CPED1: variants seen among roughly 807,000 people sequenced by gnomAD.
The protein encoded by CPED1 is cadherin-like and PC-esterase domain-containing protein 1.
A neutral mutation model predicts 128.2 loss-of-function variants in CPED1; 114 were observed. The observed-to-expected ratio is 0.89, with a 90% CI of 0.76 to 1.04. The LOEUF (loss-of-function observed/expected upper bound fraction) is 1.04. CPED1 is among the 50% of genes least tolerant of loss of function. CPED1 has a pLI of 0.00. For missense variants in CPED1, 1,211 were observed against 1,207.1 expected, an observed-to-expected ratio of 1.00 and a Z score of -0.05; for synonymous variants, 462 against 426.7, an observed-to-expected ratio of 1.08 and a Z score of -1.02.
At chr7:121,135,633 T>C (rs1056002121) in intron 13 of CPED1, among the ~76,000 whole-genome samples, 6 of 152,102 alleles carry the variant, frequency 3.9e-5, no homozygotes, top group Admixed American at 3.3e-4. Context: ...TTCATAAATA[T>C]GTATTAAGGA....
chr7:121,251,998 A>G (rs1021860078), intron 18 of CPED1, among the ~76,000 whole-genome samples: 69 of 151,884 alleles, frequency 4.5e-4, no homozygotes, highest in Admixed American at 9.2e-4. Flanking sequence ...AAGAGCCCGC[A>G]TTGCCAAGTC....
chr7:121,154,008 AC>A (rs1355483705), intron 16 of CPED1, among the ~76,000 whole-genome samples: 6 of 152,190 alleles, frequency 3.9e-5, no homozygotes, highest in Non-Finnish European at 8.8e-5. Flanking sequence ...AATGTACCAA[AC>A]CCTTACAGAC....
At chr7:121,087,179 G>A (rs1794444922) in intron 5 of CPED1, among the ~76,000 whole-genome samples, 1 of 152,052 alleles carries the variant, frequency 6.6e-6, no homozygotes, top group Non-Finnish European at 1.5e-5. Flanking sequence ...TTCTTTGGTT[G>A]GGGGAGGCAA....
rs760297310 is a variant in CPED1 at position 120,989,736 on chromosome 7, A to G, written c.115A>G (p.Arg39Gly). 2 of 1,613,792 alleles carry G rather than the reference A, an allele frequency of 1.2e-6. No individual in the cohort carries two copies. Among genetic ancestry groups the G allele is most frequent in the African/African-American group, 1.3e-5 (1 of 74,820 alleles). ...CCAGACTCTGACCCTCCGAGGGTCG[A>G]GGAAGCTCACAGCCGCTGCCCCTGG... is the stretch of plus-strand genomic sequence containing the variant. ...FYQTLTLRGS[R>G]KLTAAAPGAV... The change falls in exon 2 of 23, where the codon AGG becomes GGG. Residue 39 changes from arginine (R) to glycine (G), a missense_variant. Arg to Gly is a moderately radical substitution (Grantham distance 125). Coordinates refer to ENST00000310396, the MANE Select transcript of CPED1 (RefSeq NM_024913.5).
chr7:121,150,794 A>G (rs10246144), intron 16 of CPED1, among the ~76,000 whole-genome samples: 66,596 of 151,356 alleles, frequency 0.44, 15,930 homozygotes, highest in East Asian at 0.84. Flanking sequence ...TTAGAGATGG[A>G]GTCTCGCTCT....
chr7:120,994,625 C>CTGTGTGTGTGTGTG (rs35288728), intron 2 of CPED1, among the ~76,000 whole-genome samples: 2,704 of 144,574 alleles, frequency 0.019, 41 homozygotes, highest in Middle Eastern at 0.028. Context: ...ATTTGTTATA[C>CTGTGTGTGTGTGTG]TGTGTGTGTG....
chr7:121,175,211 T>A (rs560730198), intron 16 of CPED1, among the ~76,000 whole-genome samples: 9 of 152,114 alleles, frequency 5.9e-5, no homozygotes, highest in Non-Finnish European at 1.3e-4. Flanking sequence ...ATGGCCTTTC[T>A]TTCTCTTGCC....
At chr7:121,006,901 T>A (rs1230238638) in intron 2 of CPED1, among the ~76,000 whole-genome samples, 3 of 152,146 alleles carry the variant, frequency 2.0e-5, no homozygotes, top group Non-Finnish European at 2.9e-5. Context: ...AGGGAAAATT[T>A]AGGAGAAGCA....
At position 121,295,579 on chromosome 7, in the gene CPED1, T is replaced by A. The variant is rs759854677; in HGVS notation, c.3008T>A (p.Val1003Asp). ...TVTNFRSPYH[V>D]RGPINQVCSE... Reference sequence around the variant, plus strand: ...ACAAATTTTCGATCGCCATATCATGTCAGAGGTCCAATAAATCAGGTTTGT... The same window carrying A: ...ACAAATTTTCGATCGCCATATCATGACAGAGGTCCAATAAATCAGGTTTGT... The change falls in exon 23 of 23, where the codon GTC becomes GAC. Residue 1003 changes from valine to aspartate, a missense_variant. Physicochemically the swap from Val to Asp is radical, Grantham distance 152. Transcript: ENST00000310396. 1 of 1,613,988 alleles carries A rather than the reference T, an allele frequency of 6.2e-7. No individual in the cohort carries two copies. The highest frequency in any genetic ancestry group is 1.3e-5 in the African/African-American group (1 of 74,912).
chr7:121,035,868 A>G (rs943448327), intron 3 of CPED1, among the ~76,000 whole-genome samples: 1 of 151,828 alleles, frequency 6.6e-6, no homozygotes, highest in Non-Finnish European at 1.5e-5. Context: ...ATAAATAAAA[A>G]GGAGGAAGAG....
intron 4 of CPED1, chr7:121,061,106 G>A (rs927055911): frequency 4.0e-5 from 7 of 175,208 alleles, no homozygotes; most frequent in African/African-American, 1.2e-4. Flanking sequence ...CGGACACGCC[G>A]CCTTTAAGAA....
At chr7:121,078,126 A>G (rs979731844) in intron 5 of CPED1, among the ~76,000 whole-genome samples, 2 of 149,926 alleles carry the variant, frequency 1.3e-5, no homozygotes, top group East Asian at 1.9e-4. Context: ...TGTCATTGCA[A>G]TCTCCACTCC....
chr7:121,066,913 G>T (rs1329396899), intron 5 of CPED1, among the ~76,000 whole-genome samples: 1 of 152,122 alleles, frequency 6.6e-6, no homozygotes, highest in Non-Finnish European at 1.5e-5. Flanking sequence ...GGAATGAAGT[G>T]ATATGCAGGC....
rs964143900 is a variant in CPED1, at chr7:121,071,060, C to T, written c.616+6747C>T. ...CTAATAAATTCAGAAGCTTTAGAGG[C>T]CAGATAACCTGCACCTTTTCAGTAT... On this transcript the variant is annotated intron_variant, in intron 5 of 22. Transcript: ENST00000310396. Among the ~76,000 whole-genome samples the T allele has an allele frequency of 2.0e-5, 3 of 152,104 alleles. No individual in the cohort carries two copies. In the East Asian group the frequency reaches 5.8e-4, roughly 29 times the overall value.
chr7:121,255,039 T>G (rs1341649960), intron 18 of CPED1, among the ~76,000 whole-genome samples: 2 of 151,954 alleles, frequency 1.3e-5, no homozygotes, highest in East Asian at 3.9e-4. Context: ...AGAGGAGGGA[T>G]TCCTCCTTAA....
At chr7:121,095,849 G>A (rs1794686532) in intron 5 of CPED1, among the ~76,000 whole-genome samples, 1 of 152,062 alleles carries the variant, frequency 6.6e-6, no homozygotes, top group African/African-American at 2.4e-5. Flanking sequence ...AGTGTGCTTG[G>A]GTTTGAAATC....
chr7:121,150,416 G>A lies in CPED1; in HGVS notation c.2055+8275G>A, dbSNP rs73433992. On this transcript the variant is annotated intron_variant, in intron 16 of 22. Transcript: ENST00000310396. Reference sequence around the variant, plus strand: ...TTTATGGCTGTGTAGTATTCCGCATGGTGTATATGTATCACATTTTCTTTA... The same window carrying A: ...TTTATGGCTGTGTAGTATTCCGCATAGTGTATATGTATCACATTTTCTTTA... 8.1e-3 allele frequency among the ~76,000 whole-genome samples: 1,237 copies of A among 151,976 alleles called. 15 individuals carry two copies. Among genetic ancestry groups the A allele is most frequent in the African/African-American group, 0.028 (1,168 of 41,424 alleles).
rs150122028 is a variant in CPED1, at chr7:121,207,371, A to G, written c.2056-29343A>G. ...TGCCTGTTTCCCCACAGTCTCACCAACTAATGCTAGTTAACATCATTATAA... is the reference window on the plus strand; with the variant it reads ...TGCCTGTTTCCCCACAGTCTCACCAGCTAATGCTAGTTAACATCATTATAA... On this transcript the variant is annotated intron_variant, in intron 16 of 22. Coordinates refer to ENST00000310396, the MANE Select transcript of CPED1 (RefSeq NM_024913.5). Among the ~76,000 whole-genome samples the G allele has an allele frequency of 3.2e-3, 484 of 152,176 alleles. 5 individuals carry two copies. Among genetic ancestry groups the G allele is most frequent in the African/African-American group, 0.011 (457 of 41,570 alleles).
chr7:121,103,526 T>C (rs935472166), intron 7 of CPED1, among the ~76,000 whole-genome samples: 3 of 152,184 alleles, frequency 2.0e-5, no homozygotes, highest in African/African-American at 4.8e-5. Context: ...AAATACTGCT[T>C]TCTACTGGTA....
Sources: allele counts gnomAD v4.1 joint callset (sites outside exome capture counted in the v4.1 genomes callset), GRCh38; gene constraint gnomAD v4.1.1; transcripts MANE v1.5; gene names NCBI Gene and HGNC (gene_info 2026-07-23, HGNC 2026-07-21).